TCHH: variants seen among roughly 807,000 people sequenced by gnomAD.
TCHH encodes trichohyalin.
Under a neutral mutation model 6.3 loss-of-function variants are expected in TCHH, and 6 were observed. The observed-to-expected ratio is 0.95, with a 90% CI of 0.52 to 1.88. The LOEUF (loss-of-function observed/expected upper bound fraction) is 1.88, where lower values mean the gene tolerates loss of function less well. TCHH is among the 40% of genes most tolerant of loss of function. The pLI is 0.01. For synonymous variants in TCHH, 1,087 were observed against 963.6 expected (o/e 1.13, Z -2.37); for missense variants, 2,920 against 2,449.1 (o/e 1.19, Z -4.06).
Position 152,107,285 on chromosome 1 carries a change from T to C in TCHH, c.*100A>G, listed in dbSNP as rs558818635. On this transcript the variant is annotated 3_prime_UTR_variant, in exon 3 of 3. Coordinates refer to ENST00000614923, the MANE Select transcript of TCHH (RefSeq NM_007113.4). ...AAGACATTCTAATATCAGAGAGTTTTCCCACAACCAGAAACATCTGAGTTA... is the reference window on the plus strand; with the variant it reads ...AAGACATTCTAATATCAGAGAGTTTCCCCACAACCAGAAACATCTGAGTTA... 82 of 1,243,070 alleles carry C rather than the reference T, an allele frequency of 6.6e-5. No homozygotes were observed. The African/African-American group carries it at 9.9e-4, about 15-fold the overall frequency. The allele number at this position is 1,243,070 out of a possible 1,614,324, so 77.0% of individuals were successfully genotyped here.
In TCHH at chr1:152,111,305, C is replaced by T. The variant is rs777713631; in HGVS notation, c.1912G>A (p.Glu638Lys). The T allele has an allele frequency of 3.1e-6, 5 of 1,592,168 alleles. No homozygotes were observed. Among genetic ancestry groups the T allele is most frequent in the Admixed American group, 1.7e-5 (1 of 58,686 alleles). The change falls in exon 3 of 3, where the codon GAG (glutamate) becomes AAG (lysine). Residue 638 changes from glutamate to lysine, a missense_variant. Glu to Lys is a moderately conservative substitution (Grantham distance 56, BLOSUM62 1). Transcript: ENST00000614923. ...TGCTGCTGGCGCCTCTCCTCCTGCTCCTCGCTCTTCAGCAGCTGCTGGCGC... is the reference window on the plus strand; with the variant it reads ...TGCTGCTGGCGCCTCTCCTCCTGCTTCTCGCTCTTCAGCAGCTGCTGGCGC... ...ERRQQLLKSE[E>K]QEERRQQQLR...
chr1:152,108,642 G>A lies in TCHH; in HGVS notation c.4575C>T (p.His1525=). 1.2e-6 allele frequency: 2 copies of A among 1,610,696 alleles called. No homozygotes were observed. The highest frequency in any genetic ancestry group is 1.7e-6 in the Non-Finnish European group (2 of 1,179,502). Residue 1525 remains histidine, a synonymous_variant, in exon 3 of 3, where the codon CAC becomes CAT. Coordinates refer to ENST00000614923, the MANE Select transcript of TCHH (RefSeq NM_007113.4). ...RKFLEEEQQL[H]RQQRQRKFLQ... Reference sequence around the variant, plus strand: ...GGAATTTTCTCTGCCGTTGCTGGCGGTGCAGCTGCTGTTCCTCCTCGAGGA... The same window carrying A: ...GGAATTTTCTCTGCCGTTGCTGGCGATGCAGCTGCTGTTCCTCCTCGAGGA...
Position 152,110,508 on chromosome 1 carries a change from C to G in TCHH, c.2709G>C (p.Gln903His), listed in dbSNP as rs1162179949. 1.2e-6 allele frequency: 2 copies of G among 1,614,148 alleles called. No homozygotes were observed. The highest frequency in any genetic ancestry group is 1.7e-6 in the Non-Finnish European group (2 of 1,180,010). The change falls in exon 3 of 3, where the codon CAG (glutamine) becomes CAC (histidine). Residue 903 changes from glutamine (Q) to histidine (H), a missense_variant. Physicochemically the swap from Gln to His is conservative, Grantham distance 24. Transcript: ENST00000614923. ...CCTCCTCCTCCTCCTGCAGCAGCTG[C>G]TGTTCCTTCCTCAGCTGCTCTTGTA... Reference protein sequence around the residue: ...PALQEQLRKEQQLLQEEEEEL... With the variant: ...PALQEQLRKEHQLLQEEEEEL...
chr1:152,112,839 G>A lies in TCHH; in HGVS notation c.378C>T (p.Asp126=), dbSNP rs1195103896. ...EEDQRRFEPR[D]RQLEEEPGQR... is the part of the protein sequence containing the mutation. ...GCCCAGGTTCTTCTTCCAGTTGTCT[G>A]TCCCGGGGCTCGAATCTCCTTTGGT... is the stretch of plus-strand genomic sequence containing the variant. Residue 126 remains aspartate (D), a synonymous_variant, in exon 3 of 3, where the codon GAC becomes GAT. Coordinates refer to ENST00000614923, the MANE Select transcript of TCHH (RefSeq NM_007113.4). 6.2e-7 allele frequency: 1 copy of A among 1,613,686 alleles called. No homozygotes were observed. The highest frequency in any genetic ancestry group is 1.3e-5 in the African/African-American group (1 of 74,756).
rs2101530728 is a variant in TCHH at position 152,111,401 on chromosome 1, C to T, written c.1816G>A (p.Glu606Lys). ...TCCTCCTGCTCGAGTCTCTCCACCT[C>T]CTCGCGCTTCAGTCGCTGCTCGAGC... ...ERLEQRLKRE[E>K]VERLEQEERR... The change falls in exon 3 of 3, where the codon GAG (glutamate) becomes AAG (lysine). Residue 606 changes from glutamate to lysine, a missense_variant. Glu to Lys is a moderately conservative substitution (Grantham distance 56, BLOSUM62 1). Coordinates refer to ENST00000614923, the MANE Select transcript of TCHH (RefSeq NM_007113.4). 2 of 1,595,650 alleles carry T rather than the reference C, an allele frequency of 1.3e-6. No homozygotes were observed. Among genetic ancestry groups the T allele is most frequent in the East Asian group, 4.6e-5 (2 of 43,840 alleles).
chr1:152,107,729 G>A lies in TCHH; in HGVS notation c.5488C>T (p.Leu1830Phe). 6.2e-7 allele frequency: 1 copy of A among 1,614,228 alleles called. No homozygotes were observed. The highest frequency in any genetic ancestry group is 1.3e-5 in the African/African-American group (1 of 75,060). Residue 1830 changes from leucine (L) to phenylalanine (F), a missense_variant, in exon 3 of 3, where the codon CTT (leucine) becomes TTT (phenylalanine). Physicochemically the swap from Leu to Phe is conservative, Grantham distance 22. Coordinates refer to ENST00000614923, the MANE Select transcript of TCHH (RefSeq NM_007113.4). ...CGCAGCCTCTGCTCTTGTTCCTCAA[G>A]TTGGAGCTGCTCTTCTTCCCAGCGA... is the stretch of plus-strand genomic sequence containing the variant. ...KYRWEEEQLQLEEQEQRLRQE... is the reference protein window; with the variant it reads ...KYRWEEEQLQFEEQEQRLRQE...
In TCHH at chr1:152,111,376, T is replaced by C; in HGVS notation, c.1841A>G (p.Glu614Gly). 1 of 1,608,940 alleles carries C rather than the reference T, an allele frequency of 6.2e-7. No homozygotes were observed. The highest frequency in any genetic ancestry group is 1.1e-5 in the South Asian group (1 of 90,824). Reference protein sequence around the residue: ...REEVERLEQEERREQRLKREE... With the variant: ...REEVERLEQEGRREQRLKREE... Reference sequence around the variant, plus strand: ...GCGCTTCAGCCGCTGCTCGCGCCTCTCCTCCTGCTCGAGTCTCTCCACCTC... The same window carrying C: ...GCGCTTCAGCCGCTGCTCGCGCCTCCCCTCCTGCTCGAGTCTCTCCACCTC... The change falls in exon 3 of 3, where the codon GAG (glutamate) becomes GGG (glycine). Residue 614 changes from glutamate to glycine, a missense_variant. Glu to Gly is a moderately conservative substitution (Grantham distance 98, BLOSUM62 -2). Coordinates refer to ENST00000614923, the MANE Select transcript of TCHH (RefSeq NM_007113.4).
rs1268127621 is a variant in TCHH at position 152,108,889 on chromosome 1, T to A, written c.4328A>T (p.Glu1443Val). 6.2e-7 allele frequency: 1 copy of A among 1,613,466 alleles called. No homozygotes were observed. The highest frequency in any genetic ancestry group is 8.5e-7 in the Non-Finnish European group (1 of 1,179,826). Residue 1443 changes from glutamate to valine, a missense_variant, in exon 3 of 3, where the codon GAA becomes GTA. Physicochemically the swap from Glu to Val is moderately radical, Grantham distance 121 (BLOSUM62 -2). Coordinates refer to ENST00000614923, the MANE Select transcript of TCHH (RefSeq NM_007113.4). ...REEEQQVRRQ[E>V]RERKFLEEEQ... ...CTCCTCCAGGAATTTTCTCTCTCGT[T>A]CCTGGCGGCGCACCTGCTGTTCCTC...
rs779275267 is a variant in TCHH at position 152,109,726 on chromosome 1, T to C, written c.3491A>G (p.Gln1164Arg). The stretch of plus-strand genomic sequence containing the variant: ...CTCGCGGTATTGCCTCTCCAGCTCC[T>C]GGCGCCTTCTCTTCTCCGGTTCCTC... ...LREEPEKRRR[Q>R]ELERQYREEE... is the part of the protein sequence containing the mutation. Residue 1164 changes from glutamine (Q) to arginine (R), a missense_variant, in exon 3 of 3, where the codon CAG (glutamine) becomes CGG (arginine). Physicochemically the swap from Gln to Arg is conservative, Grantham distance 43. Transcript: ENST00000614923. The C allele has an allele frequency of 6.2e-6, 10 of 1,608,314 alleles. No individual in the cohort carries two copies. In the Admixed American group the frequency reaches 1.7e-4, roughly 27 times the overall value.
At position 152,110,567 on chromosome 1, in the gene TCHH, TCTTC is replaced by T; in HGVS notation, c.2646_2649del (p.Lys883AspfsTer16). The stretch of plus-strand genomic sequence containing the variant: ...TTGGCGTACAGCGTGTGGCGGCGTC[TCTTC>T]CTTTCTTCTTCTAGTTGCCACCTCC... On this transcript the variant is annotated frameshift_variant, in exon 3 of 3. Coordinates refer to ENST00000614923, the MANE Select transcript of TCHH (RefSeq NM_007113.4). LOFTEE classifies it low-confidence loss of function (END_TRUNC). 6.2e-7 allele frequency: 1 copy of T among 1,614,158 alleles called. No homozygotes were observed. The highest frequency in any genetic ancestry group is 8.5e-7 in the Non-Finnish European group (1 of 1,180,020).
chr1:152,108,260 G>A lies in TCHH; in HGVS notation c.4957C>T (p.Arg1653Cys). 1.9e-6 allele frequency: 3 copies of A among 1,613,076 alleles called. No individual in the cohort carries two copies. The highest frequency in any genetic ancestry group is 2.5e-6 in the Non-Finnish European group (3 of 1,179,724). Residue 1653 changes from arginine (R) to cysteine (C), a missense_variant, in exon 3 of 3, where the codon CGC becomes TGC. Arg to Cys is a radical substitution (Grantham distance 180). Coordinates refer to ENST00000614923, the MANE Select transcript of TCHH (RefSeq NM_007113.4). ...AGCTGTTGTTCGCGCTCCTGGCGGC[G>A]CAGCTGCGGTTCCTCCTCGAGGAAT... ...RKFLEEEPQLRRQEREQQLRH... is the reference protein window; with the variant it reads ...RKFLEEEPQLCRQEREQQLRH...
chr1:152,111,361 C>G lies in TCHH; in HGVS notation c.1856G>C (p.Arg619Pro), dbSNP rs372550708. 1 of 1,596,002 alleles carries G rather than the reference C, an allele frequency of 6.3e-7. No homozygotes were observed. Among genetic ancestry groups the G allele is most frequent in the Non-Finnish European group, 8.5e-7 (1 of 1,173,440 alleles). Reference sequence around the variant, plus strand: ...TTCCTCCGGCTCCTCGCGCTTCAGCCGCTGCTCGCGCCTCTCCTCCTGCTC... The same window carrying G: ...TTCCTCCGGCTCCTCGCGCTTCAGCGGCTGCTCGCGCCTCTCCTCCTGCTC... Reference protein sequence around the residue: ...RLEQEERREQRLKREEPEEER... With the variant: ...RLEQEERREQPLKREEPEEER... Residue 619 changes from arginine (R) to proline (P), a missense_variant, in exon 3 of 3, where the codon CGG becomes CCG. Coordinates refer to ENST00000614923, the MANE Select transcript of TCHH (RefSeq NM_007113.4).
At position 152,108,449 on chromosome 1, in the gene TCHH, G is replaced by C; in HGVS notation, c.4768C>G (p.Arg1590Gly). 2 of 1,613,186 alleles carry C rather than the reference G, an allele frequency of 1.2e-6. No individual in the cohort carries two copies. The highest frequency in any genetic ancestry group is 1.7e-6 in the Non-Finnish European group (2 of 1,179,814). The change falls in exon 3 of 3, where the codon CGC becomes GGC. Residue 1590 changes from arginine (R) to glycine (G), a missense_variant. Arg to Gly is a moderately radical substitution (Grantham distance 125, BLOSUM62 -2). Coordinates refer to ENST00000614923, the MANE Select transcript of TCHH (RefSeq NM_007113.4). ...ATGAATTTTCTCTCTTGTTCCTGGC[G>C]GCGCACTTTCTGTTCCTCTAAACGG... ...KFRLEEQKVR[R>G]QEQERKFMED...
chr1:152,113,971 A>T lies in TCHH; in HGVS notation c.110T>A (p.Leu37His). ...AAGCACAGCTCCAAATTCCCTTTCA[A>T]GGAGGTTCTTCAGGTCTTTCTTAGT... ...ALTKKDLKNL[L>H]EREFGAVLRR... The change falls in exon 2 of 3, where the codon CTT becomes CAT. Residue 37 changes from leucine (L) to histidine (H), a missense_variant. Transcript: ENST00000614923. The T allele has an allele frequency of 6.2e-7, 1 of 1,613,632 alleles. No homozygotes were observed. Among genetic ancestry groups the T allele is most frequent in the Non-Finnish European group, 8.5e-7 (1 of 1,179,810 alleles).
rs760981277 is a variant in TCHH at position 152,107,425 on chromosome 1, T to C, written c.5792A>G (p.Tyr1931Cys). The change falls in exon 3 of 3, where the codon TAT becomes TGT. Residue 1931 changes from tyrosine (Y) to cysteine (C), a missense_variant. By Grantham distance (194) the Tyr-to-Cys change is radical. Coordinates refer to ENST00000614923, the MANE Select transcript of TCHH (RefSeq NM_007113.4). ...ASVPVRSSPLYEYIQEQRSQY... is the reference protein window; with the variant it reads ...ASVPVRSSPLCEYIQEQRSQY... ...AGATCTCTGCTCTTGGATGTACTCA[T>C]AGAGAGGGCTGGAGCGCACTGGGAC... The C allele has an allele frequency of 3.7e-6, 6 of 1,607,536 alleles. No individual in the cohort carries two copies. The highest frequency in any genetic ancestry group is 3.4e-5 in the Admixed American group (2 of 59,062).
chr1:152,111,420 C>T lies in TCHH; in HGVS notation c.1797G>A (p.Glu599=). 6.2e-7 allele frequency: 1 copy of T among 1,610,594 alleles called. No individual in the cohort carries two copies. Among genetic ancestry groups the T allele is most frequent in the Non-Finnish European group, 8.5e-7 (1 of 1,179,174 alleles). ...CCACCTCCTCGCGCTTCAGTCGCTG[C>T]TCGAGCCTCTCTTCCTGCTCGCGCT... ...RLKREQEERL[E]QRLKREEVER... Residue 599 remains glutamate, a synonymous_variant, in exon 3 of 3, where the codon GAG becomes GAA. Coordinates refer to ENST00000614923, the MANE Select transcript of TCHH (RefSeq NM_007113.4).
Position 152,107,987 on chromosome 1 carries a change from C to T in TCHH, c.5230G>A (p.Glu1744Lys), listed in dbSNP as rs763969821. The change falls in exon 3 of 3, where the codon GAA becomes AAA. Residue 1744 changes from glutamate (E) to lysine (K), a missense_variant. Transcript: ENST00000614923. ...TCCTCTAGGATTTTTCTGTAGCGTT[C>T]TTGGCGGCGCAGCTGCTCTTGCTCC... ...ETEQEQLRRQ[E>K]RYRKILEEEQ... is the part of the protein sequence containing the mutation. 11 of 1,613,210 alleles carry T rather than the reference C, an allele frequency of 6.8e-6. No individual in the cohort carries two copies. The highest frequency in any genetic ancestry group is 9.3e-6 in the Non-Finnish European group (11 of 1,179,874).
chr1:152,111,628 T>G lies in TCHH; in HGVS notation c.1589A>C (p.Gln530Pro), dbSNP rs753384548. Residue 530 changes from glutamine to proline, a missense_variant, in exon 3 of 3, where the codon CAG (glutamine) becomes CCG (proline). By Grantham distance (76) the Gln-to-Pro change is moderately conservative. Transcript: ENST00000614923. Reference protein sequence around the residue: ...KRQEEEERLQQRLRSEQQLRR... With the variant: ...KRQEEEERLQPRLRSEQQLRR... ...TAGTTGTTGCTCGCTCCTCAACCGCTGCTGGAGCCTCTCTTCCTCCTCCTG... is the reference window on the plus strand; with the variant it reads ...TAGTTGTTGCTCGCTCCTCAACCGCGGCTGGAGCCTCTCTTCCTCCTCCTG... 6.2e-7 allele frequency: 1 copy of G among 1,607,950 alleles called. No homozygotes were observed. Among genetic ancestry groups the G allele is most frequent in the South Asian group, 1.1e-5 (1 of 90,744 alleles).
At position 152,110,780 on chromosome 1, in the gene TCHH, C is replaced by T. The variant is rs975006547; in HGVS notation, c.2437G>A (p.Glu813Lys). Reference sequence around the variant, plus strand: ...CGCCGCTGCTCCTTCTCCTCCTCCTCCGGGAGAAACCGTTGTTCCCGCTGC... The same window carrying T: ...CGCCGCTGCTCCTTCTCCTCCTCCTTCGGGAGAAACCGTTGTTCCCGCTGC... ...RQQREQRFLPEEEEKEQRRRQ... is the reference protein window; with the variant it reads ...RQQREQRFLPKEEEKEQRRRQ... The change falls in exon 3 of 3, where the codon GAG (glutamate) becomes AAG (lysine). Residue 813 changes from glutamate to lysine, a missense_variant. Glu to Lys is a moderately conservative substitution (Grantham distance 56). Coordinates refer to ENST00000614923, the MANE Select transcript of TCHH (RefSeq NM_007113.4). 3 of 1,607,554 alleles carry T rather than the reference C, an allele frequency of 1.9e-6. No homozygotes were observed. The East Asian group carries it at 6.7e-5, about 36-fold the overall frequency.
Sources: gnomAD v4.1 joint callset for allele counts on GRCh38, gnomAD v4.1.1 for gene constraint, MANE v1.5 for transcripts, NCBI Gene and HGNC (gene_info 2026-07-23, HGNC 2026-07-21) for gene names.